Variants in ZFPM1 observed in about 807,000 individuals in gnomAD.
ZFPM1 encodes the protein zinc finger protein, FOG family member 1, also known as zinc finger protein ZFPM1.
A neutral mutation model predicts 46.3 loss-of-function variants in ZFPM1; 28 were observed. The observed-to-expected ratio is 0.60, with a 90% CI of 0.45 to 0.83. The LOEUF (loss-of-function observed/expected upper bound fraction) is 0.83, where lower values mean the gene tolerates loss of function less well. Among genes scored for constraint, ZFPM1 ranks in the 40% least tolerant of loss-of-function variants. The probability of loss-of-function intolerance (pLI) is 0.00; values close to 1 mark genes in which losing one functional copy is unlikely to be tolerated. For synonymous variants in ZFPM1, 957 were observed against 675.9 expected (o/e 1.42, Z -6.45); for missense variants, 1,878 against 1,432.4 (o/e 1.31, Z -5.02).
Position 88,497,796 on chromosome 16 carries a change from T to A in ZFPM1, c.268+8643T>A, listed in dbSNP as rs1010917234. Among the ~76,000 whole-genome samples the A allele has an allele frequency of 2.0e-5, 3 of 152,090 alleles. No homozygotes were observed. Among genetic ancestry groups the A allele is most frequent in the African/African-American group, 4.8e-5 (2 of 41,420 alleles). On this transcript the variant is annotated intron_variant, in intron 3 of 9. Coordinates refer to ENST00000319555, the MANE Select transcript of ZFPM1 (RefSeq NM_153813.3). The surrounding 1 kb of genome is among the most constrained non-coding windows in gnomAD (Gnocchi z 5.4). ...GACAGGGCCCGCCCGAGGCTGGGAA[T>A]CCTCACCCGAGTGTGTGAGGGCGTC...
At chr16:88,516,647 C>G in intron 4 of ZFPM1, 1 of 398,670 alleles carries the variant, frequency 2.5e-6, no homozygotes, top group Non-Finnish European at 4.4e-6. Flanking sequence ...CTTTCCGATA[C>G]TTCATTTATT....
chr16:88,485,538 C>G (rs1909174262), intron 1 of ZFPM1, among the ~76,000 whole-genome samples: 1 of 151,764 alleles, frequency 6.6e-6, no homozygotes, highest in African/African-American at 2.4e-5. Context: ...CTCCCAGTCT[C>G]AAGCGATCCT....
chr16:88,534,899 A>G lies in ZFPM1; in HGVS notation c.2941A>G (p.Ile981Val). 6.4e-7 allele frequency: 1 copy of G among 1,564,776 alleles called. No homozygotes were observed. The highest frequency in any genetic ancestry group is 1.2e-5 in the South Asian group (1 of 86,492). ...GNHRYCRLCN[I>V]KFSSLSTFIA... Reference sequence around the variant, plus strand: ...CCACCGGTACTGCCGTCTTTGCAACATCAAGTTCAGCAGCCTGTCCACCTT... The same window carrying G: ...CCACCGGTACTGCCGTCTTTGCAACGTCAAGTTCAGCAGCCTGTCCACCTT... The change falls in exon 10 of 10, where the codon ATC (isoleucine) becomes GTC (valine). Residue 981 changes from isoleucine (I) to valine (V), a missense_variant. Ile to Val is a conservative substitution (Grantham distance 29, BLOSUM62 3). Transcript: ENST00000319555.
At chr16:88,452,990 C>G (rs1414213956), upstream of ZFPM1, among the ~76,000 whole-genome samples, 2 of 141,164 alleles carry the variant, frequency 1.4e-5, no homozygotes, top group Non-Finnish European at 3.1e-5. Flanking sequence ...GGGCATCGAG[C>G]GGGGCGGGGA....
chr16:88,491,543 ATCGCCACCCCAAGGG>A (rs960131256), intron 3 of ZFPM1, among the ~76,000 whole-genome samples: 1 of 152,108 alleles, frequency 6.6e-6, no homozygotes, highest in African/African-American at 2.4e-5. Context: ...CACTGGTTTG[ATCGCCACCCCAAGGG>A]TCCCTGTCCA....
intron 1 of ZFPM1, among the ~76,000 whole-genome samples, chr16:88,473,480 G>A (rs868623486): frequency 1.3e-5 from 2 of 152,122 alleles, no homozygotes; most frequent in Admixed American, 6.5e-5. Context: ...GAGGAGGGTC[G>A]GCTGCTAGGG....
chr16:88,532,579 G>GC (rs1567556516), intron 7 of ZFPM1, 35 bp from the exon 8 acceptor site: 1 of 1,543,990 alleles, frequency 6.5e-7, no homozygotes. Context: ...GGTTAAGCTG[G>GC]CCCGGGCACC....
chr16:88,469,647 C>T lies in ZFPM1; in HGVS notation c.40+15969C>T, dbSNP rs1424939344. ...GGCAAGACCAGGATGAGGCAGGCTC[C>T]GCCGGCCTGAGACCTGGCTGGAGGC... On this transcript the variant is annotated intron_variant, in intron 1 of 9. Transcript: ENST00000319555. This position sits in a 1 kb window ranked among gnomAD's most constrained non-coding sequence, Gnocchi z 4.3. Among the ~76,000 whole-genome samples, 3 of 152,208 alleles carry T rather than the reference C, an allele frequency of 2.0e-5. No homozygotes were observed. The highest frequency in any genetic ancestry group is 1.9e-4 in the East Asian group (1 of 5,186).
intron 1 of ZFPM1, among the ~76,000 whole-genome samples, chr16:88,460,150 G>A (rs545740183): frequency 6.6e-6 from 1 of 152,254 alleles, no homozygotes; most frequent in African/African-American, 2.4e-5. Context: ...TGATGCTCCT[G>A]CCTGTGCCTG....
intron 4 of ZFPM1, among the ~76,000 whole-genome samples, chr16:88,515,693 G>A (rs1007736987): frequency 1.3e-5 from 2 of 152,254 alleles, no homozygotes; most frequent in African/African-American, 4.8e-5. Context: ...GTGGCCTGGA[G>A]CAGGGAGGTG....
intron 5 of ZFPM1, among the ~76,000 whole-genome samples, chr16:88,527,420 C>T (rs114357011): frequency 0.11 from 17,455 of 152,186 alleles, 1,432 homozygotes; most frequent in African/African-American, 0.23. Flanking sequence ...CACCTCCGAG[C>T]ACCCGGGGAT....
At position 88,453,503 on chromosome 16, in the gene ZFPM1, G is replaced by A. The variant is rs1907379491; in HGVS notation, c.-136G>A. ...TCCGGGGCTGGGCGCGCGGGCTGGG[G>A]GCGCGGGCCGGGGCGGCCGCGGAGA... is the stretch of plus-strand genomic sequence containing the variant. On this transcript the variant is annotated 5_prime_UTR_variant, in exon 1 of 10. Coordinates refer to ENST00000319555, the MANE Select transcript of ZFPM1 (RefSeq NM_153813.3). 1 of 282,780 alleles carries A rather than the reference G, an allele frequency of 3.5e-6. No individual in the cohort carries two copies. Among genetic ancestry groups the A allele is most frequent in the Non-Finnish European group, 5.2e-6 (1 of 191,182 alleles). The allele number at this position is 282,780 out of a possible 1,614,324, so 17.5% of individuals were successfully genotyped here. A position where few individuals can be genotyped will look rare whatever the true frequency, so the allele number is the denominator to read the frequency against.
chr16:88,521,861 CCTCCT>C (rs1322776353), intron 4 of ZFPM1, among the ~76,000 whole-genome samples: 1 of 151,480 alleles, frequency 6.6e-6, no homozygotes, highest in African/African-American at 2.4e-5. Context: ...CATGCTGTTC[CCTCCT>C]CTCTGTTTCC....
chr16:88,533,186 C>T lies in ZFPM1; in HGVS notation c.1228C>T (p.Gln410Ter). Residue 410 changes from glutamine to a stop codon, truncating the protein, a stop_gained, in exon 10 of 10, where the codon CAA (glutamine) becomes TAA (stop). Transcript: ENST00000319555. LOFTEE classifies it low-confidence loss of function (END_TRUNC). ...CTTCCAGCAGCAGCACACGGCCCTG[C>T]AAGGCCCCCTGGCCTCCGCGGACCT... The part of the protein sequence containing the change: ...GSFQQQHTAL[Q>*]GPLASADLGL... 6.5e-7 allele frequency: 1 copy of T among 1,532,924 alleles called. No homozygotes were observed. Among genetic ancestry groups the T allele is most frequent in the Non-Finnish European group, 8.7e-7 (1 of 1,149,822 alleles). 95.0% of individuals were successfully genotyped at this position (1,532,924 alleles called of 1,614,324 possible). A position where few individuals can be genotyped will look rare whatever the true frequency, so the allele number is the denominator to read the frequency against.
intron 4 of ZFPM1, among the ~76,000 whole-genome samples, chr16:88,525,238 C>T (rs549669936): frequency 5.3e-5 from 8 of 152,342 alleles, no homozygotes; most frequent in African/African-American, 1.9e-4. Context: ...CCCACCTCTG[C>T]GGCCCACAGG....
chr16:88,483,851 G>A (rs192372550), intron 1 of ZFPM1, among the ~76,000 whole-genome samples: 3 of 152,340 alleles, frequency 2.0e-5, no homozygotes, highest in Admixed American at 6.5e-5. Flanking sequence ...GAGTCCAAAC[G>A]CGCAGAAAAT....
intron 1 of ZFPM1, among the ~76,000 whole-genome samples, chr16:88,474,749 C>A (rs1908596738): frequency 6.6e-6 from 1 of 152,244 alleles, no homozygotes; most frequent in African/African-American, 2.4e-5. Flanking sequence ...ATCCTCCATT[C>A]CCACACATAG....
chr16:88,532,252 G>C lies in ZFPM1; in HGVS notation c.946+17G>C, dbSNP rs1231748063. ...GCCACAGCGGTGAGCCCCCACCCCGGACGCGGGTCCTCAGGATGCCGGCTG... is the reference window on the plus strand; with the variant it reads ...GCCACAGCGGTGAGCCCCCACCCCGCACGCGGGTCCTCAGGATGCCGGCTG... On this transcript the variant is annotated intron_variant, in intron 7 of 9. Transcript: ENST00000319555. 1 of 1,575,878 alleles carries C rather than the reference G, an allele frequency of 6.3e-7. No homozygotes were observed.
intron 2 of ZFPM1, 66 bp downstream of exon 2, chr16:88,486,109 C>G: frequency 6.8e-7 from 1 of 1,475,714 alleles, no homozygotes; most frequent in Non-Finnish European, 9.2e-7. Context: ...CCGTACCATG[C>G]CCTCAGAGCT....
Sources: allele counts gnomAD v4.1 joint callset (sites outside exome capture counted in the v4.1 genomes callset), GRCh38; gene constraint gnomAD v4.1.1; non-coding constraint Gnocchi (gnomAD v3.1); transcripts MANE v1.5; gene names NCBI Gene and HGNC (gene_info 2026-07-23, HGNC 2026-07-21).